The following RFC3 variants were observed in gnomAD, a reference collection of about 807,000 sequenced individuals.
RFC3 encodes the protein A1 38 kDa subunit.
RFC3 carries 41 observed loss-of-function variants against 45.1 expected under a neutral mutation model. That is an observed-to-expected ratio of 0.91 (90% CI 0.71 to 1.18). The LOEUF (loss-of-function observed/expected upper bound fraction) is 1.18, where lower values mean the gene tolerates loss of function less well. Ranked by LOEUF, RFC3 falls within the 50% of genes most tolerant of loss-of-function variation. The pLI is 0.00. For synonymous variants in RFC3, 149 were observed against 144.0 expected (o/e 1.03, Z -0.25); for missense variants, 423 against 428.1 (o/e 0.99, Z 0.10).
intron 8 of RFC3, among the ~76,000 whole-genome samples, chr13:33,885,936 G>A (rs967369241): frequency 9.9e-5 from 15 of 151,952 alleles, no homozygotes; most frequent in African/African-American, 3.4e-4. Flanking sequence ...CTTGCAACTA[G>A]TGATGGTCAT....
chr13:33,841,434 A>C (rs906757095), downstream of RFC3, among the ~76,000 whole-genome samples: 2 of 152,194 alleles, frequency 1.3e-5, no homozygotes, highest in African/African-American at 4.8e-5. Context: ...TTGAGGTCTA[A>C]AGCTGTGGTT....
chr13:33,967,240 G>C (rs551279615), downstream of RFC3, among the ~76,000 whole-genome samples: 47 of 152,210 alleles, frequency 3.1e-4, no homozygotes, highest in South Asian at 1.9e-3. Flanking sequence ...TGAGGATAAA[G>C]ACCTAATTAA....
rs142666536 is a variant in RFC3, at chr13:33,825,808, C to A, written c.313C>A (p.Arg105=). The A allele has an allele frequency of 6.3e-7, 1 of 1,597,218 alleles. No homozygotes were observed. The highest frequency in any genetic ancestry group is 1.3e-5 in the African/African-American group (1 of 74,140). The part of the protein sequence containing the change: ...VNPSDAGNSD[R]VVIQEMLKTV... ...GTGTAGTGATGCTGGAAATAGTGAC[C>A]GAGTAGTCATTCAGGAGATGTTGAA... Residue 105 remains arginine, a synonymous_variant, in exon 4 of 9, where the codon CGA becomes AGA. Coordinates refer to ENST00000380071, the MANE Select transcript of RFC3 (RefSeq NM_002915.4).
At chr13:33,925,355 T>G (rs2082801062) in intron 8 of RFC3, among the ~76,000 whole-genome samples, 1 of 125,998 alleles carries the variant, frequency 7.9e-6, no homozygotes, top group Admixed American at 8.4e-5. Context: ...CATACATATA[T>G]AGTGTACTAT....
downstream of RFC3, among the ~76,000 whole-genome samples, chr13:33,839,798 T>C (rs1483005074): frequency 6.6e-6 from 1 of 152,226 alleles, no homozygotes; most frequent in Non-Finnish European, 1.5e-5. Flanking sequence ...TGGTGAATTA[T>C]CTTAAGAGTT....
At chr13:33,921,220 G>A (rs1384741587) in intron 8 of RFC3, among the ~76,000 whole-genome samples, 2 of 152,132 alleles carry the variant, frequency 1.3e-5, no homozygotes, top group Admixed American at 1.3e-4. Context: ...TTCCTCATTA[G>A]GCAATGAGGC....
chr13:33,859,127 A>G (rs990643070), intron 8 of RFC3, among the ~76,000 whole-genome samples: 7 of 152,188 alleles, frequency 4.6e-5, no homozygotes, highest in Middle Eastern at 3.2e-3. Flanking sequence ...TTGACACTCA[A>G]AAGTCAGGCT....
At chr13:33,916,948 T>C (rs1325349040) in intron 8 of RFC3, among the ~76,000 whole-genome samples, 2 of 152,162 alleles carry the variant, frequency 1.3e-5, no homozygotes, top group East Asian at 3.9e-4. Flanking sequence ...GTCAGAGTTG[T>C]TATTTTGACT....
At chr13:33,920,416 C>A (rs2082761128) in intron 8 of RFC3, among the ~76,000 whole-genome samples, 2 of 143,540 alleles carry the variant, frequency 1.4e-5, no homozygotes, top group South Asian at 2.1e-4. Flanking sequence ...TTTGTACAAC[C>A]ACACTTTTTT....
At chr13:33,884,193 G>A (rs181637277) in intron 8 of RFC3, among the ~76,000 whole-genome samples, 138 of 152,320 alleles carry the variant, frequency 9.1e-4, no homozygotes, top group Non-Finnish European at 1.1e-3. Context: ...ATACACGATA[G>A]CATCTTAGGC....
intron 8 of RFC3, among the ~76,000 whole-genome samples, chr13:33,940,532 A>ACCAAGTGTGTC (rs2082916457): frequency 6.6e-6 from 1 of 152,210 alleles, no homozygotes; most frequent in Non-Finnish European, 1.5e-5. Context: ...GTCTGTATAT[A>ACCAAGTGTGTC]CCAAGTGTGT....
intron 8 of RFC3, among the ~76,000 whole-genome samples, chr13:33,923,052 T>C (rs778122195): frequency 1.3e-5 from 2 of 152,092 alleles, no homozygotes; most frequent in African/African-American, 2.4e-5. Context: ...TTAGGAAAAG[T>C]AGAGAAAGAG....
At position 33,895,832 on chromosome 13, in the gene RFC3, C is replaced by T. The variant is rs181364253; in HGVS notation, c.879+60615C>T. Among the ~76,000 whole-genome samples, 332 of 152,070 alleles carry T rather than the reference C, an allele frequency of 2.2e-3. 2 individuals are homozygous for T. Among genetic ancestry groups the T allele is most frequent in the African/African-American group, 7.5e-3 (311 of 41,514 alleles). On this transcript the variant is annotated intron_variant, in intron 8 of 8. Transcript: ENST00000434425. ...ATAGAATACTACACAGCCATAAAAA[C>T]GAACAAAAAATAATGTCTTTTGCAG...
intron 8 of RFC3, among the ~76,000 whole-genome samples, chr13:33,963,565 C>T (rs1194215253): frequency 2.0e-5 from 3 of 151,390 alleles, no homozygotes; most frequent in Non-Finnish European, 4.4e-5. Context: ...CCAGACACAC[C>T]TTTCCCTACT....
intron 4 of RFC3, among the ~76,000 whole-genome samples, chr13:33,827,921 C>T (rs1237803671): frequency 1.3e-5 from 2 of 150,758 alleles, no homozygotes; most frequent in African/African-American, 2.4e-5. Flanking sequence ...ATTATTTTTA[C>T]AAAGTGATAA....
intron 8 of RFC3, among the ~76,000 whole-genome samples, chr13:33,914,134 A>G (rs1377494766): frequency 6.6e-6 from 1 of 151,350 alleles, no homozygotes; most frequent in African/African-American, 2.4e-5. Context: ...GGTCAATTAT[A>G]ATAATATAAA....
At chr13:33,888,308 T>C (rs1241844612) in intron 8 of RFC3, among the ~76,000 whole-genome samples, 2 of 152,182 alleles carry the variant, frequency 1.3e-5, no homozygotes, top group Non-Finnish European at 2.9e-5. Flanking sequence ...TGGCCTTGGT[T>C]TACTGAACTC....
Position 33,864,344 on chromosome 13 carries a change from C to G in RFC3, c.879+29127C>G, listed in dbSNP as rs568013006. On this transcript the variant is annotated intron_variant, in intron 8 of 8. Transcript: ENST00000434425. Reference sequence around the variant, plus strand: ...ACAATTATCCAACCATATCATTTAGCCAAAGAATGGAAAGGCTAGGCCTAC... The same window carrying G: ...ACAATTATCCAACCATATCATTTAGGCAAAGAATGGAAAGGCTAGGCCTAC... Among the ~76,000 whole-genome samples, 31 of 152,170 alleles carry G rather than the reference C, an allele frequency of 2.0e-4. 1 individual carries two copies. The highest frequency in any genetic ancestry group is 7.5e-4 in the African/African-American group (31 of 41,518).
chr13:33,931,024 G>A (rs1294903583), intron 8 of RFC3, among the ~76,000 whole-genome samples: 2 of 151,926 alleles, frequency 1.3e-5, no homozygotes, highest in East Asian at 1.9e-4. Context: ...GGCAAATTTA[G>A]AGTTGAAGTG....
Sources: allele counts gnomAD v4.1 joint callset (sites outside exome capture counted in the v4.1 genomes callset), GRCh38; gene constraint gnomAD v4.1.1; transcripts MANE v1.5; gene names NCBI Gene and HGNC (gene_info 2026-07-23, HGNC 2026-07-21).